The following AGK variants were observed in gnomAD, a reference collection of about 807,000 sequenced individuals.
AGK encodes acylglycerol kinase, also known as acylglycerol kinase, mitochondrial.
A neutral mutation model predicts 66.4 loss-of-function variants in AGK; 52 were observed. That is an observed-to-expected ratio of 0.78 (90% CI 0.63 to 0.99). AGK has a LOEUF of 0.99. Among genes scored for constraint, AGK ranks in the 50% least tolerant of loss-of-function variants. The pLI is 0.00. For missense variants in AGK, 451 were observed against 506.6 expected (o/e 0.89, Z 1.05); for synonymous variants, 182 against 181.1 (o/e 1.00, Z -0.04).
intron 9 of AGK, among the ~76,000 whole-genome samples, chr7:141,623,248 A>G (rs1422254700): frequency 6.6e-6 from 1 of 152,058 alleles, no homozygotes; most frequent in Non-Finnish European, 1.5e-5. Context: ...GTGTGGTGGC[A>G]CATGCCTGTA....
Position 141,555,550 on chromosome 7 carries a change from G to A in AGK, c.84G>A (p.Trp28Ter), listed in dbSNP as rs1275934845. The change falls in exon 2 of 16, where the codon TGG becomes TGA. Residue 28 changes from tryptophan to a stop codon, truncating the protein, a stop_gained. Coordinates refer to ENST00000649286, the MANE Select transcript of AGK (RefSeq NM_018238.4). LOFTEE classifies it high-confidence loss of function. The surrounding 1 kb of genome is among the most constrained non-coding windows in gnomAD (Gnocchi z 4.2). ...GLCLLTWGGH[W>*]LYGKHCDNLL... ...GCCTGCTGACCTGGGGAGGCCATTG[G>A]CTCTATGGAAAACACTGGTAACTAT... is the stretch of plus-strand genomic sequence containing the variant. 1.9e-6 allele frequency: 3 copies of A among 1,613,618 alleles called. No individual in the cohort carries two copies. Among genetic ancestry groups the A allele is most frequent in the Non-Finnish European group, 2.5e-6 (3 of 1,179,766 alleles).
intron 9 of AGK, among the ~76,000 whole-genome samples, chr7:141,625,747 TATCTC>T (rs766250466): frequency 2.6e-5 from 4 of 152,296 alleles, no homozygotes; most frequent in Admixed American, 6.5e-5. Context: ...ACTGTTCTCA[TATCTC>T]ATCACTCTAT....
chr7:141,650,584 TA>T, intron 14 of AGK: 10 of 985,430 alleles, frequency 1.0e-5, no homozygotes, highest in Non-Finnish European at 1.2e-5. Flanking sequence ...TAATAAATGA[TA>T]AATGGACTGA....
chr7:141,588,888 G>A (rs566259153), intron 2 of AGK, among the ~76,000 whole-genome samples: 1 of 152,288 alleles, frequency 6.6e-6, no homozygotes, highest in Non-Finnish European at 1.5e-5. Flanking sequence ...GCATGCTAAT[G>A]TATTCTAATT....
At chr7:141,635,354 T>C (rs759192816) in intron 10 of AGK, among the ~76,000 whole-genome samples, 16 of 152,182 alleles carry the variant, frequency 1.1e-4, no homozygotes, top group Non-Finnish European at 2.1e-4. Context: ...CAAAATGTAC[T>C]ATTGGTAGAG....
chr7:141,568,574 C>CTTT (rs762829164), intron 2 of AGK, among the ~76,000 whole-genome samples: 2 of 141,754 alleles, frequency 1.4e-5, no homozygotes, highest in African/African-American at 5.2e-5. Flanking sequence ...TTCTTTCTTT[C>CTTT]TTTTTTTTTT....
At chr7:141,632,245 CAAAA>C (rs138506133) in intron 9 of AGK, among the ~76,000 whole-genome samples, 7,089 of 147,652 alleles carry the variant, frequency 0.048, 245 homozygotes, top group Non-Finnish European at 0.071. Flanking sequence ...AAAAAAAAAA[CAAAA>C]AAAACCCACA....
rs544571331 is a variant in AGK at position 141,592,798 on chromosome 7, G to A, written c.102-348G>A. ...AGCTCACTGCAACCTCTGCCTCCCA[G>A]GTTCAAGCGATTCTCCTGCCCCAGT... On this transcript the variant is annotated intron_variant, in intron 2 of 15. Coordinates refer to ENST00000649286, the MANE Select transcript of AGK (RefSeq NM_018238.4). Among the ~76,000 whole-genome samples, 7 of 152,164 alleles carry A rather than the reference G, an allele frequency of 4.6e-5. No individual in the cohort carries two copies. The South Asian group carries it at 1.2e-3, about 27-fold the overall frequency.
rs758426077 is a variant in AGK at position 141,555,432 on chromosome 7, T to C, written c.-14-21T>C. 1.3e-6 allele frequency: 2 copies of C among 1,533,640 alleles called. No homozygotes were observed. The highest frequency in any genetic ancestry group is 2.3e-5 in the South Asian group (2 of 88,466). On this transcript the variant is annotated intron_variant, in intron 1 of 15. Coordinates refer to ENST00000649286, the MANE Select transcript of AGK (RefSeq NM_018238.4). This position sits in a 1 kb window ranked among gnomAD's most constrained non-coding sequence, Gnocchi z 4.2. The stretch of plus-strand genomic sequence containing the variant: ...CATGGATAAATTATATTTTTTTCTC[T>C]TTCCGCCTCTACTAACCTAGCAAAT...
chr7:141,602,037 T>C (rs1325089984), intron 5 of AGK, among the ~76,000 whole-genome samples: 10 of 151,994 alleles, frequency 6.6e-5, no homozygotes, highest in Admixed American at 6.6e-4. Flanking sequence ...AACTAACATA[T>C]TTGAGTACCT....
intron 9 of AGK, among the ~76,000 whole-genome samples, chr7:141,630,795 C>T (rs1269730973): frequency 6.6e-6 from 1 of 152,156 alleles, no homozygotes; most frequent in Non-Finnish European, 1.5e-5. Context: ...AAGAGGGACA[C>T]TGACAAGCAA....
At chr7:141,601,382 G>A in intron 5 of AGK, 102 bp downstream of exon 5, 1 of 851,964 alleles carries the variant, frequency 1.2e-6, no homozygotes. Context: ...CAAGAGCAAA[G>A]AAATTAATGT....
chr7:141,634,830 CTTT>C (rs57395722), intron 10 of AGK, among the ~76,000 whole-genome samples: 1 of 136,932 alleles, frequency 7.3e-6, no homozygotes, highest in Non-Finnish European at 1.6e-5. Context: ...GCCTGCCATG[CTTT>C]TTTTTTTTTT....
chr7:141,628,483 G>A (rs1176899874), intron 9 of AGK, among the ~76,000 whole-genome samples: 1 of 152,168 alleles, frequency 6.6e-6, no homozygotes, highest in Non-Finnish European at 1.5e-5. Context: ...TATAGATAAA[G>A]CCTGATACCA....
intron 8 of AGK, among the ~76,000 whole-genome samples, chr7:141,616,915 G>A (rs910300229): frequency 4.0e-5 from 6 of 151,856 alleles, no homozygotes; most frequent in Non-Finnish European, 7.4e-5. Flanking sequence ...CCGCCACCAC[G>A]CCCGGCTAAT....
chr7:141,563,019 TG>T (rs530980258), intron 2 of AGK, among the ~76,000 whole-genome samples: 76 of 152,330 alleles, frequency 5.0e-4, no homozygotes, highest in African/African-American at 1.5e-3. Flanking sequence ...AATTCCCCAG[TG>T]GGGATGTGTG....
chr7:141,608,985 GACAT>G (rs1171575927), intron 5 of AGK, among the ~76,000 whole-genome samples: 1 of 152,146 alleles, frequency 6.6e-6, no homozygotes, highest in African/African-American at 2.4e-5. Context: ...CATCAGGATT[GACAT>G]ACATACATTT....
At chr7:141,604,392 A>ATT (rs1374442635) in intron 5 of AGK, among the ~76,000 whole-genome samples, 43 of 144,856 alleles carry the variant, frequency 3.0e-4, no homozygotes, top group African/African-American at 9.8e-4. Flanking sequence ...ATATATATAT[A>ATT]TATATATATA....
chr7:141,641,415 C>T lies in AGK; in HGVS notation c.877+17C>T, dbSNP rs754536442. On this transcript the variant is annotated intron_variant, in intron 12 of 15. Transcript: ENST00000649286. ...CACAGGATGGTGAGCAATGTGGCGA[C>T]TAAAGATTGGAGGGCCCTGGTCAGT... 6 of 1,604,046 alleles carry T rather than the reference C, an allele frequency of 3.7e-6. No homozygotes were observed. The African/African-American group carries it at 5.4e-5, about 14-fold the overall frequency.
Sources: allele counts gnomAD v4.1 joint callset (sites outside exome capture counted in the v4.1 genomes callset), GRCh38; gene constraint gnomAD v4.1.1; non-coding constraint Gnocchi (gnomAD v3.1); transcripts MANE v1.5; gene names NCBI Gene and HGNC (gene_info 2026-07-23, HGNC 2026-07-21).